Variants in TTC39B observed in about 807,000 individuals in gnomAD.
TTC39B encodes tetratricopeptide repeat domain 39B, also known as tetratricopeptide repeat protein 39B.
In TTC39B, 92 loss-of-function variants were observed where a neutral mutation model predicts 96.6. The observed-to-expected ratio is 0.95, with a 90% CI of 0.80 to 1.13. TTC39B has a LOEUF of 1.13. TTC39B is among the 50% of genes most tolerant of loss of function. The pLI, the probability that TTC39B is intolerant of heterozygous loss-of-function variation, is 0.00. For missense variants in TTC39B, 955 were observed against 809.3 expected, an observed-to-expected ratio of 1.18 and a Z score of -2.18; for synonymous variants, 367 against 299.4, an observed-to-expected ratio of 1.23 and a Z score of -2.33.
Position 15,307,058 on chromosome 9 carries a change from G to A in TTC39B, c.240+26C>T, listed in dbSNP as rs1345522789. 3 of 1,606,600 alleles carry A rather than the reference G, an allele frequency of 1.9e-6. No homozygotes were observed. In the South Asian group the frequency reaches 3.3e-5, roughly 18 times the overall value. Reference sequence around the variant, plus strand: ...CTCCTGTCCAGGGCTTCAGGGGCCGGGCCCGCAATCCCCATCGGATCGTAC... The same window carrying A: ...CTCCTGTCCAGGGCTTCAGGGGCCGAGCCCGCAATCCCCATCGGATCGTAC... On this transcript the variant is annotated intron_variant, in intron 1 of 19. Coordinates refer to ENST00000512701, the Ensembl canonical transcript of TTC39B.
At chr9:15,206,655 T>G (rs1057479093) in intron 6 of TTC39B, among the ~76,000 whole-genome samples, 3 of 152,206 alleles carry the variant, frequency 2.0e-5, no homozygotes, top group African/African-American at 7.2e-5. Context: ...CTAAGCTAAA[T>G]AAACTTAGCT....
At chr9:15,266,933 A>G (rs1823154684) in intron 2 of TTC39B, among the ~76,000 whole-genome samples, 1 of 152,058 alleles carries the variant, frequency 6.6e-6, no homozygotes. Context: ...CAAAAAAAAT[A>G]GCCTGGCGTG....
chr9:15,271,222 T>C (rs1823339582), intron 1 of TTC39B, among the ~76,000 whole-genome samples: 1 of 152,212 alleles, frequency 6.6e-6, no homozygotes, highest in Non-Finnish European at 1.5e-5. Context: ...CCAAGGATTA[T>C]TTAACTCTCT....
chr9:15,217,601 C>T (rs1410221384), intron 3 of TTC39B, among the ~76,000 whole-genome samples: 1 of 152,178 alleles, frequency 6.6e-6, no homozygotes, highest in African/African-American at 2.4e-5. Flanking sequence ...ATCTCTCGGA[C>T]ACACGTGTTC....
rs138305839 is a variant in TTC39B, at chr9:15,222,066, T to C, written c.371+3851A>G. On this transcript the variant is annotated intron_variant, in intron 3 of 19. Coordinates refer to ENST00000512701, the Ensembl canonical transcript of TTC39B. Reference sequence around the variant, plus strand: ...ACGTAAGTACAGTCAGAAGGTGGGATGTATTCCCAAAAACCTGCCTCAGCT... The same window carrying C: ...ACGTAAGTACAGTCAGAAGGTGGGACGTATTCCCAAAAACCTGCCTCAGCT... Among the ~76,000 whole-genome samples, 411 of 152,314 alleles carry C rather than the reference T, an allele frequency of 2.7e-3. 3 individuals are homozygous for C. The highest frequency in any genetic ancestry group is 9.1e-3 in the African/African-American group (377 of 41,576).
rs540222467 is a variant in TTC39B, at chr9:15,216,360, CAG to C, written c.372-2113_372-2112del. Among the ~76,000 whole-genome samples the C allele has an allele frequency of 4.5e-3, 682 of 152,290 alleles. 8 individuals are homozygous for C. The highest frequency in any genetic ancestry group is 0.016 in the African/African-American group (656 of 41,550). ...CGGGTACAACTGCTCTGAGTAGAAACAGAGACTTCTTCATGCCTAGAGTTTGA... is the reference window on the plus strand; with the variant it reads ...CGGGTACAACTGCTCTGAGTAGAAACAGACTTCTTCATGCCTAGAGTTTGA... On this transcript the variant is annotated intron_variant, in intron 3 of 19. Coordinates refer to ENST00000512701, the Ensembl canonical transcript of TTC39B.
intron 6 of TTC39B, among the ~76,000 whole-genome samples, chr9:15,204,174 A>C (rs1018554603): frequency 6.6e-6 from 1 of 152,228 alleles, no homozygotes; most frequent in Non-Finnish European, 1.5e-5. Flanking sequence ...ACAAGGGGAA[A>C]TGAACATTTA....
intron 1 of TTC39B, among the ~76,000 whole-genome samples, chr9:15,301,429 G>C (rs1032145879): frequency 6.6e-6 from 1 of 152,184 alleles, no homozygotes; most frequent in Non-Finnish European, 1.5e-5. Context: ...GTTAGGACCT[G>C]CCAGGCGTTC....
intron 6 of TTC39B, among the ~76,000 whole-genome samples, chr9:15,207,381 A>G (rs960645132): frequency 2.6e-5 from 4 of 152,238 alleles, no homozygotes; most frequent in African/African-American, 9.6e-5. Context: ...CATTATAAAA[A>G]TATAACAACA....
intron 13 of TTC39B, among the ~76,000 whole-genome samples, chr9:15,188,350 G>C (rs1818656732): frequency 6.6e-6 from 1 of 152,140 alleles, no homozygotes; most frequent in Non-Finnish European, 1.5e-5. Context: ...TTTGTAATGT[G>C]GGAGTGGGGA....
intron 2 of TTC39B, among the ~76,000 whole-genome samples, chr9:15,229,698 C>A (rs960273016): frequency 2.0e-5 from 3 of 152,202 alleles, no homozygotes; most frequent in African/African-American, 4.8e-5. Context: ...ATTTTCCATA[C>A]GTGCTCAGGT....
At chr9:15,200,460 T>C (rs1819469251) in intron 7 of TTC39B, among the ~76,000 whole-genome samples, 1 of 152,242 alleles carries the variant, frequency 6.6e-6, no homozygotes, top group African/African-American at 2.4e-5. Flanking sequence ...TGGCTGTCAC[T>C]ACTACACAAT....
At chr9:15,234,195 G>A (rs1223033873) in intron 2 of TTC39B, among the ~76,000 whole-genome samples, 4 of 148,256 alleles carry the variant, frequency 2.7e-5, no homozygotes, top group East Asian at 2.1e-4. Context: ...CCCTCCATCC[G>A]GCAGCCACCC....
intron 1 of TTC39B, among the ~76,000 whole-genome samples, chr9:15,290,071 T>C (rs1275336783): frequency 1.3e-5 from 2 of 152,214 alleles, no homozygotes; most frequent in Non-Finnish European, 2.9e-5. Context: ...TTTATTTCTG[T>C]CTGGGAAACT....
chr9:15,298,692 G>A (rs373229475), intron 1 of TTC39B, among the ~76,000 whole-genome samples: 2 of 152,064 alleles, frequency 1.3e-5, no homozygotes, highest in Admixed American at 6.6e-5. Flanking sequence ...ATGTGGGTGG[G>A]AACACAGCCA....
chr9:15,279,216 C>T (rs10122040), intron 1 of TTC39B, among the ~76,000 whole-genome samples: 34,850 of 152,106 alleles, frequency 0.23, 6,895 homozygotes, highest in African/African-American at 0.54. Context: ...AAGAAACCTC[C>T]TGCATGATCT....
intron 6 of TTC39B, among the ~76,000 whole-genome samples, chr9:15,206,901 G>A (rs1200720501): frequency 6.6e-6 from 1 of 151,734 alleles, no homozygotes; most frequent in African/African-American, 2.4e-5. Context: ...TAATCCCCTT[G>A]TATCAAGGGT....
intron 2 of TTC39B, among the ~76,000 whole-genome samples, chr9:15,254,772 T>C (rs1486574481): frequency 6.6e-6 from 1 of 151,848 alleles, no homozygotes; most frequent in East Asian, 1.9e-4. Context: ...AAGCTGAAAT[T>C]TTTAAATGGC....
chr9:15,204,797 G>A (rs1158694588), intron 6 of TTC39B, among the ~76,000 whole-genome samples: 1 of 152,148 alleles, frequency 6.6e-6, no homozygotes, highest in African/African-American at 2.4e-5. Flanking sequence ...TGATCATGTA[G>A]ATGTCTAGCA....
Sources: gnomAD v4.1 joint callset for allele counts (sites outside exome capture counted in the v4.1 genomes callset) on GRCh38, gnomAD v4.1.1 for gene constraint, MANE v1.5 for transcripts, NCBI Gene and HGNC (gene_info 2026-07-23, HGNC 2026-07-21) for gene names.